The following KCTD8 variants were observed in gnomAD, a reference collection of about 807,000 sequenced individuals.
The protein encoded by KCTD8 is BTB/POZ domain-containing protein KCTD8.
Under a neutral mutation model 31.5 loss-of-function variants are expected in KCTD8, and 27 were observed. The observed-to-expected ratio is 0.86, with a 90% CI of 0.63 to 1.18. The LOEUF (loss-of-function observed/expected upper bound fraction) is 1.18, where lower values mean the gene tolerates loss of function less well. Among genes scored for constraint, KCTD8 ranks in the 50% most tolerant of loss-of-function variants. The probability of loss-of-function intolerance (pLI) is 0.00; values close to 1 mark genes in which losing one functional copy is unlikely to be tolerated. For synonymous variants in KCTD8, 290 were observed against 280.0 expected, an observed-to-expected ratio of 1.04 and a Z score of -0.36; for missense variants, 658 against 647.7, an observed-to-expected ratio of 1.02 and a Z score of -0.17.
Position 44,364,739 on chromosome 4 carries a change from C to A in KCTD8, c.961+82824G>T, listed in dbSNP as rs1719585971. 1.3e-5 allele frequency among the ~76,000 whole-genome samples: 2 copies of A among 151,906 alleles called. 1 individual carries two copies. The highest frequency in any genetic ancestry group is 2.9e-5 in the Non-Finnish European group (2 of 67,968). On this transcript the variant is annotated intron_variant, in intron 1 of 1. Coordinates refer to ENST00000360029, the MANE Select transcript of KCTD8 (RefSeq NM_198353.3). ...TCAGCAATAAAAAGAAATAAGCTAA[C>A]AAGCCAAGAAATGACATGGAGGGAA...
At chr4:44,269,285 G>A (rs1215644945) in intron 1 of KCTD8, among the ~76,000 whole-genome samples, 2 of 152,112 alleles carry the variant, frequency 1.3e-5, no homozygotes, top group Non-Finnish European at 2.9e-5. Context: ...AACAAGCAAT[G>A]GGGAAAGGAT....
chr4:44,188,602 A>G (rs1173279932), intron 1 of KCTD8, among the ~76,000 whole-genome samples: 1 of 152,196 alleles, frequency 6.6e-6, no homozygotes, highest in African/African-American at 2.4e-5. Context: ...TTTCCATGAA[A>G]AAGTCTTTGT....
intron 1 of KCTD8, among the ~76,000 whole-genome samples, chr4:44,354,007 G>A (rs1481710940): frequency 6.6e-6 from 1 of 151,986 alleles, no homozygotes; most frequent in Non-Finnish European, 1.5e-5. Context: ...AAATCTAGTA[G>A]ATACTCAATC....
Position 44,248,074 on chromosome 4 carries a change from G to T in KCTD8, c.962-72824C>A, listed in dbSNP as rs544393222. On this transcript the variant is annotated intron_variant, in intron 1 of 1. Coordinates refer to ENST00000360029, the MANE Select transcript of KCTD8 (RefSeq NM_198353.3). ...CTGGTCTTGCCCTGTTCAAATCTAT[G>T]TTCCTTTGTGCTTTCAGCATGACTT... Among the ~76,000 whole-genome samples the T allele has an allele frequency of 1.9e-3, 284 of 151,914 alleles. 1 individual carries two copies. The highest frequency in any genetic ancestry group is 2.5e-3 in the Non-Finnish European group (172 of 67,854).
chr4:44,364,997 A>G (rs1478996900), intron 1 of KCTD8, among the ~76,000 whole-genome samples: 1 of 152,162 alleles, frequency 6.6e-6, no homozygotes, highest in Non-Finnish European at 1.5e-5. Context: ...TGGTAGATAC[A>G]TGACATTGTA....
At chr4:44,284,149 C>CA (rs1286442731) in intron 1 of KCTD8, among the ~76,000 whole-genome samples, 2 of 152,024 alleles carry the variant, frequency 1.3e-5, no homozygotes, top group Admixed American at 6.6e-5. Flanking sequence ...CATATGGAAC[C>CA]AAAAAAGAGC....
At chr4:44,276,880 G>C (rs1005234169) in intron 1 of KCTD8, among the ~76,000 whole-genome samples, 3 of 151,902 alleles carry the variant, frequency 2.0e-5, no homozygotes, top group Non-Finnish European at 4.4e-5. Context: ...CAAAGAATGG[G>C]AGTGTTTAAA....
rs142827136 is a variant in KCTD8 at position 44,413,932 on chromosome 4, G to T, written c.961+33631C>A. On this transcript the variant is annotated intron_variant, in intron 1 of 1. Coordinates refer to ENST00000360029, the MANE Select transcript of KCTD8 (RefSeq NM_198353.3). ...TTGATTTGAGGATGCTACACTGCTG[G>T]CTTTGATGACAGAAGGAAGCCAGGA... Among the ~76,000 whole-genome samples, 62 of 152,198 alleles carry T rather than the reference G, an allele frequency of 4.1e-4. No individual in the cohort carries two copies. In the East Asian group the frequency reaches 8.1e-3, roughly 20 times the overall value.
At chr4:44,215,579 A>G (rs1440163466) in intron 1 of KCTD8, among the ~76,000 whole-genome samples, 8 of 152,228 alleles carry the variant, frequency 5.3e-5, no homozygotes, top group Admixed American at 5.2e-4. Flanking sequence ...TAGGAGGTCA[A>G]TAAGTCAAAT....
At chr4:44,374,719 T>C (rs560414902) in intron 1 of KCTD8, among the ~76,000 whole-genome samples, 3 of 152,258 alleles carry the variant, frequency 2.0e-5, no homozygotes, top group South Asian at 4.2e-4. Context: ...GGGAGGCTGA[T>C]TGGTGGAGCA....
chr4:44,257,904 T>C (rs1310458301), intron 1 of KCTD8, among the ~76,000 whole-genome samples: 7 of 152,028 alleles, frequency 4.6e-5, no homozygotes, highest in Non-Finnish European at 7.4e-5. Context: ...AAGATTGAAG[T>C]ACCTAGACAG....
intron 1 of KCTD8, among the ~76,000 whole-genome samples, chr4:44,178,493 G>A (rs963444093): frequency 6.6e-6 from 1 of 151,882 alleles, no homozygotes; most frequent in African/African-American, 2.4e-5. Flanking sequence ...TACCCTTTCT[G>A]TCAATATTTT....
intron 1 of KCTD8, among the ~76,000 whole-genome samples, chr4:44,224,072 A>C (rs1000099605): frequency 2.0e-5 from 3 of 152,194 alleles, no homozygotes; most frequent in African/African-American, 7.2e-5. Flanking sequence ...CTAGATTAAT[A>C]ACTCAAAAGC....
intron 1 of KCTD8, among the ~76,000 whole-genome samples, chr4:44,247,733 G>A (rs533244899): frequency 1.3e-4 from 20 of 151,730 alleles, no homozygotes; most frequent in African/African-American, 4.8e-4. Flanking sequence ...TCTGTGATAG[G>A]CTTACTTCAC....
Position 44,287,367 on chromosome 4 carries a change from TTAAAG to T in KCTD8, c.962-112122_962-112118del, listed in dbSNP as rs565873554. Among the ~76,000 whole-genome samples the T allele has an allele frequency of 2.7e-4, 41 of 152,334 alleles. 1 individual carries two copies. The highest frequency in any genetic ancestry group is 8.5e-4 in the Admixed American group (13 of 15,290). On this transcript the variant is annotated intron_variant, in intron 1 of 1. Transcript: ENST00000360029. ...TTATTTAAGCATATCTTGATCATGT[TTAAAG>T]TAAATTATTTAAGCGTATGTTGATT...
intron 1 of KCTD8, among the ~76,000 whole-genome samples, chr4:44,281,199 C>T (rs116549987): frequency 0.024 from 3,585 of 152,144 alleles, 63 homozygotes; most frequent in Non-Finnish European, 0.041. Flanking sequence ...AACTCTGTCA[C>T]TTGTAAAATA....
chr4:44,417,448 C>T (rs1721102452), intron 1 of KCTD8, among the ~76,000 whole-genome samples: 1 of 151,788 alleles, frequency 6.6e-6, no homozygotes. Flanking sequence ...TAATACCATC[C>T]ACTCTAGTAA....
chr4:44,439,374 G>A (rs898446482), intron 1 of KCTD8, among the ~76,000 whole-genome samples: 2 of 151,982 alleles, frequency 1.3e-5, no homozygotes, highest in Admixed American at 1.3e-4. Flanking sequence ...GGTTTAATGA[G>A]AGACTGGTTA....
chr4:44,328,486 T>A lies in KCTD8; in HGVS notation c.961+119077A>T, dbSNP rs559677495. On this transcript the variant is annotated intron_variant, in intron 1 of 1. Coordinates refer to ENST00000360029, the MANE Select transcript of KCTD8 (RefSeq NM_198353.3). ...AATCCCAACGGCTCTACCACATGTATCTTTCCCTGGCTTAAAGCAATTTGC... is the reference window on the plus strand; with the variant it reads ...AATCCCAACGGCTCTACCACATGTAACTTTCCCTGGCTTAAAGCAATTTGC... 1.6e-4 allele frequency among the ~76,000 whole-genome samples: 25 copies of A among 152,058 alleles called. No homozygotes were observed. The East Asian group carries it at 4.6e-3, about 28-fold the overall frequency.
Sources: allele counts gnomAD v4.1 joint callset (sites outside exome capture counted in the v4.1 genomes callset), GRCh38; gene constraint gnomAD v4.1.1; transcripts MANE v1.5; gene names NCBI Gene and HGNC (gene_info 2026-07-23, HGNC 2026-07-21).